Variants in UBE2E2 observed in about 807,000 individuals in gnomAD.
The protein encoded by UBE2E2 is ubiquitin-conjugating enzyme E2 E2.
In UBE2E2, 6 loss-of-function variants were observed where a neutral mutation model predicts 24.7. The ratio of observed to expected loss-of-function variants is 0.24; its 90% confidence interval spans 0.13 to 0.48. The LOEUF (loss-of-function observed/expected upper bound fraction) is 0.48. UBE2E2 is among the 20% of genes least tolerant of loss of function. UBE2E2 has a pLI of 0.99. For missense variants in UBE2E2, 169 were observed against 245.0 expected (o/e 0.69, Z 2.07); for synonymous variants, 104 against 83.6 (o/e 1.24, Z -1.33).
chr3:23,365,522 T>A (rs1339943069), intron 3 of UBE2E2, among the ~76,000 whole-genome samples: 1 of 152,050 alleles, frequency 6.6e-6, no homozygotes, highest in Non-Finnish European at 1.5e-5. Flanking sequence ...TCACAATAGC[T>A]ACAAAAAGAA....
At chr3:23,288,468 G>T (rs995204373) in intron 3 of UBE2E2, among the ~76,000 whole-genome samples, 1 of 152,050 alleles carries the variant, frequency 6.6e-6, no homozygotes, top group Non-Finnish European at 1.5e-5. Flanking sequence ...ATTTTTCTTT[G>T]TTGACTTTCT....
rs141615120 is a variant in UBE2E2 at position 23,254,902 on chromosome 3, CTT to C, written c.227+37598_227+37599del. On this transcript the variant is annotated intron_variant, in intron 3 of 5. Transcript: ENST00000396703. ...ATTTAGGAACTCAGCTTCTTTAAGG[CTT>C]TTTTTTTCCCCCCTTATGTCTCATG... is the stretch of plus-strand genomic sequence containing the variant. Among the ~76,000 whole-genome samples the C allele has an allele frequency of 2.3e-3, 354 of 151,532 alleles. 3 individuals carry two copies. Among genetic ancestry groups the C allele is most frequent in the African/African-American group, 8.2e-3 (337 of 41,332 alleles).
chr3:23,533,372 T>C (rs1224843419), intron 5 of UBE2E2, among the ~76,000 whole-genome samples: 1 of 152,188 alleles, frequency 6.6e-6, no homozygotes, highest in African/African-American at 2.4e-5. Context: ...TCATTGATGT[T>C]CTCAGTGGGA....
At chr3:23,468,674 G>A (rs1698973069) in intron 3 of UBE2E2, among the ~76,000 whole-genome samples, 1 of 152,094 alleles carries the variant, frequency 6.6e-6, no homozygotes, top group Non-Finnish European at 1.5e-5. Flanking sequence ...AAAATTGCAG[G>A]GTGCAGGAGA....
intron 5 of UBE2E2, among the ~76,000 whole-genome samples, chr3:23,554,564 G>A (rs112999301): frequency 0.014 from 2,059 of 152,076 alleles, 42 homozygotes; most frequent in African/African-American, 0.045. Context: ...CACTATACAC[G>A]AAAATCAACT....
At chr3:23,332,787 A>T (rs34619482) in intron 3 of UBE2E2, among the ~76,000 whole-genome samples, 5 of 151,694 alleles carry the variant, frequency 3.3e-5, no homozygotes, top group Admixed American at 2.6e-4. Context: ...AGTAGTATTT[A>T]GTTACCTGGG....
intron 3 of UBE2E2, among the ~76,000 whole-genome samples, chr3:23,323,354 T>A (rs1346449577): frequency 6.6e-6 from 1 of 152,164 alleles, no homozygotes; most frequent in African/African-American, 2.4e-5. Flanking sequence ...GTCTTGTTTC[T>A]TCTAGGGAAT....
intron 3 of UBE2E2, among the ~76,000 whole-genome samples, chr3:23,319,503 A>C (rs1246372540): frequency 6.6e-6 from 1 of 152,178 alleles, no homozygotes; most frequent in African/African-American, 2.4e-5. Flanking sequence ...TTGTATTAAC[A>C]AATTTAATTC....
intron 5 of UBE2E2, among the ~76,000 whole-genome samples, chr3:23,535,706 C>G (rs1334812704): frequency 6.7e-6 from 1 of 149,698 alleles, no homozygotes; most frequent in East Asian, 2.0e-4. Context: ...TCACTGCATC[C>G]TCTCCTCCCG....
chr3:23,377,104 A>G (rs570743231), intron 3 of UBE2E2, among the ~76,000 whole-genome samples: 2 of 152,278 alleles, frequency 1.3e-5, no homozygotes, highest in Non-Finnish European at 2.9e-5. Flanking sequence ...TATTCACCCA[A>G]ACATACATGC....
chr3:23,362,490 C>T (rs1181793354), intron 3 of UBE2E2, among the ~76,000 whole-genome samples: 1 of 152,164 alleles, frequency 6.6e-6, no homozygotes, highest in Non-Finnish European at 1.5e-5. Context: ...CACTTCTGCC[C>T]TCCTCCCTCC....
At chr3:23,419,531 A>G (rs1202982072) in intron 3 of UBE2E2, among the ~76,000 whole-genome samples, 2 of 152,210 alleles carry the variant, frequency 1.3e-5, no homozygotes, top group Non-Finnish European at 1.5e-5. Flanking sequence ...ACCCACCAGA[A>G]TTACCTGGGA....
chr3:23,440,748 A>G (rs1245176199), intron 3 of UBE2E2, among the ~76,000 whole-genome samples: 3 of 152,222 alleles, frequency 2.0e-5, no homozygotes, highest in Non-Finnish European at 4.4e-5. Flanking sequence ...TCAGATTTAA[A>G]TAACTGTAAA....
At chr3:23,322,844 C>T (rs1487612772) in intron 3 of UBE2E2, among the ~76,000 whole-genome samples, 1 of 151,814 alleles carries the variant, frequency 6.6e-6, no homozygotes, top group Non-Finnish European at 1.5e-5. Flanking sequence ...TTTTGTCTAG[C>T]ATTAATTTGG....
At chr3:23,267,805 A>G (rs1346213361) in intron 3 of UBE2E2, among the ~76,000 whole-genome samples, 1 of 150,154 alleles carries the variant, frequency 6.7e-6, no homozygotes. Context: ...AAAAATCCTC[A>G]ATAAAATACT....
chr3:23,458,644 C>T (rs578084040), intron 3 of UBE2E2, among the ~76,000 whole-genome samples: 2 of 152,224 alleles, frequency 1.3e-5, no homozygotes, highest in South Asian at 4.2e-4. Context: ...GTCTCAATCT[C>T]CTGACCTCGT....
At chr3:23,490,303 A>G (rs1699469561) in intron 3 of UBE2E2, among the ~76,000 whole-genome samples, 1 of 152,252 alleles carries the variant, frequency 6.6e-6, no homozygotes, top group African/African-American at 2.4e-5. Flanking sequence ...CAAGCATTTC[A>G]GATAAGAGAT....
chr3:23,415,589 T>C (rs13094957), intron 3 of UBE2E2, among the ~76,000 whole-genome samples: 37,777 of 151,950 alleles, frequency 0.25, 5,112 homozygotes, highest in African/African-American at 0.36. Flanking sequence ...GAGAAAAATG[T>C]TTGAAATCAG....
intron 3 of UBE2E2, among the ~76,000 whole-genome samples, chr3:23,495,158 A>G (rs1699575762): frequency 6.6e-6 from 1 of 152,234 alleles, no homozygotes; most frequent in African/African-American, 2.4e-5. Flanking sequence ...AAACCAATTC[A>G]GAGTGATAAT....
Sources: allele counts gnomAD v4.1 joint callset (sites outside exome capture counted in the v4.1 genomes callset), GRCh38; gene constraint gnomAD v4.1.1; transcripts MANE v1.5; gene names NCBI Gene and HGNC (gene_info 2026-07-23, HGNC 2026-07-21).